Variants in NRXN1 observed in about 807,000 individuals in gnomAD.
NRXN1 encodes the protein neurexin 1.
Under a neutral mutation model 150.9 loss-of-function variants are expected in NRXN1, and 39 were observed. The observed-to-expected ratio is 0.26, with a 90% CI of 0.20 to 0.34. NRXN1 has a LOEUF of 0.34. NRXN1 is among the 10% of genes least tolerant of loss of function. The pLI is 1.00. For missense variants in NRXN1, 1,815 were observed against 1,949.9 expected, an observed-to-expected ratio of 0.93 and a Z score of 1.30; for synonymous variants, 924 against 757.0, an observed-to-expected ratio of 1.22 and a Z score of -3.62.
chr2:50,599,645 A>G (rs1675914972), intron 8 of NRXN1, among the ~76,000 whole-genome samples: 1 of 152,360 alleles, frequency 6.6e-6, no homozygotes. Context: ...ATAAGTCAAT[A>G]TCCCAGAAAC....
intron 8 of NRXN1, among the ~76,000 whole-genome samples, chr2:50,562,358 G>GATAT (rs1245607596): frequency 6.6e-6 from 1 of 151,840 alleles, no homozygotes; most frequent in African/African-American, 2.4e-5. Context: ...TAGATAGATA[G>GATAT]ATAGATGATT....
intron 12 of NRXN1, among the ~76,000 whole-genome samples, chr2:50,513,559 T>C (rs2092534040): frequency 6.6e-6 from 1 of 152,176 alleles, no homozygotes; most frequent in African/African-American, 2.4e-5. Flanking sequence ...ACATGCTTAA[T>C]CTTGCTGGGT....
intron 10 of NRXN1, among the ~76,000 whole-genome samples, chr2:50,531,939 G>C (rs2093127203): frequency 6.6e-6 from 1 of 152,040 alleles, no homozygotes; most frequent in Non-Finnish European, 1.5e-5. Flanking sequence ...ATGACCTCCT[G>C]AGCTCAAGCA....
intron 8 of NRXN1, among the ~76,000 whole-genome samples, chr2:50,598,893 G>A (rs559441162): frequency 6.6e-6 from 1 of 151,732 alleles, no homozygotes; most frequent in Non-Finnish European, 1.5e-5. Context: ...AAGTAGCTGG[G>A]ATTACAAGTG....
At chr2:51,031,531 C>G (rs906002363) in intron 1 of NRXN1, among the ~76,000 whole-genome samples, 3 of 152,036 alleles carry the variant, frequency 2.0e-5, no homozygotes, top group African/African-American at 7.2e-5. Flanking sequence ...TGCAAAGTCT[C>G]TCAATACCAA....
intron 5 of NRXN1, among the ~76,000 whole-genome samples, chr2:50,760,264 T>A (rs1701655444): frequency 1.3e-5 from 2 of 151,828 alleles, no homozygotes; most frequent in Admixed American, 1.3e-4. Flanking sequence ...AGTATAAGAG[T>A]CTACAGAACC....
At chr2:50,877,228 CACATACAT>C (rs1678736729) in intron 5 of NRXN1, among the ~76,000 whole-genome samples, 2 of 151,296 alleles carry the variant, frequency 1.3e-5, no homozygotes, top group Non-Finnish European at 3.0e-5. Flanking sequence ...CACACATACA[CACATACAT>C]ATCTACACAC....
chr2:50,733,598 A>G (rs988026231), intron 5 of NRXN1, among the ~76,000 whole-genome samples: 6 of 152,172 alleles, frequency 3.9e-5, no homozygotes, highest in African/African-American at 9.7e-5. Flanking sequence ...AAATACAACC[A>G]TAATTTATTA....
chr2:50,415,284 T>A (rs192121369), intron 17 of NRXN1, among the ~76,000 whole-genome samples: 1 of 152,334 alleles, frequency 6.6e-6, no homozygotes, highest in African/African-American at 2.4e-5. Flanking sequence ...TAATGCACTT[T>A]CCCTTTCACA....
chr2:49,997,211 A>G (rs564356311), intron 21 of NRXN1, among the ~76,000 whole-genome samples: 3 of 152,142 alleles, frequency 2.0e-5, no homozygotes, highest in South Asian at 4.1e-4. Flanking sequence ...ATAAGAGCGC[A>G]TATCTCTTGG....
At chr2:50,548,576 G>T (rs1032941668) in intron 9 of NRXN1, among the ~76,000 whole-genome samples, 12 of 151,762 alleles carry the variant, frequency 7.9e-5, no homozygotes, top group Non-Finnish European at 1.5e-4. Flanking sequence ...GTTTGGCACT[G>T]TACTACTTAC....
At chr2:50,733,951 T>G (rs1698415372) in intron 5 of NRXN1, among the ~76,000 whole-genome samples, 1 of 152,186 alleles carries the variant, frequency 6.6e-6, no homozygotes, top group South Asian at 2.1e-4. Context: ...AGTTCTGAGA[T>G]GTTTATGTTT....
intron 16 of NRXN1, among the ~76,000 whole-genome samples, chr2:50,471,410 T>C (rs1426449771): frequency 6.6e-6 from 1 of 151,874 alleles, no homozygotes; most frequent in Non-Finnish European, 1.5e-5. Context: ...TCCAGTTCCA[T>C]CCAAGTTGCT....
chr2:51,018,860 G>T (rs1457949245), intron 2 of NRXN1, among the ~76,000 whole-genome samples: 1 of 151,972 alleles, frequency 6.6e-6, no homozygotes, highest in African/African-American at 2.4e-5. Flanking sequence ...AATATTTTGG[G>T]GCTTTACTGC....
chr2:50,782,774 C>G (rs1704531993), intron 5 of NRXN1, among the ~76,000 whole-genome samples: 1 of 152,092 alleles, frequency 6.6e-6, no homozygotes, highest in Non-Finnish European at 1.5e-5. Context: ...GGTTCTAAAC[C>G]TAACAGTAGT....
chr2:50,508,993 A>G (rs2092350918), intron 12 of NRXN1, among the ~76,000 whole-genome samples: 1 of 152,186 alleles, frequency 6.6e-6, no homozygotes. Context: ...ATTTCCTACT[A>G]AAAAAGAAGT....
At chr2:50,139,324 CAAAAAAAAAA>C (rs35142652) in intron 18 of NRXN1, among the ~76,000 whole-genome samples, 2 of 77,402 alleles carry the variant, frequency 2.6e-5, no homozygotes, top group African/African-American at 9.3e-5. Flanking sequence ...GACTTGGTAT[CAAAAAAAAAA>C]AAAAAAAAAA....
chr2:50,975,874 T>C (rs1031895943), intron 2 of NRXN1, among the ~76,000 whole-genome samples: 32 of 152,082 alleles, frequency 2.1e-4, no homozygotes, highest in Non-Finnish European at 4.4e-5. Flanking sequence ...TATATCAATG[T>C]TAGGGGAAGA....
intron 17 of NRXN1, among the ~76,000 whole-genome samples, chr2:50,344,212 C>T (rs542152213): frequency 6.6e-6 from 1 of 152,258 alleles, no homozygotes; most frequent in African/African-American, 2.4e-5. Flanking sequence ...ACACCTCACC[C>T]CATTTCTCCA....
Sources: allele counts gnomAD v4.1 joint callset (sites outside exome capture counted in the v4.1 genomes callset), GRCh38; gene constraint gnomAD v4.1.1; transcripts MANE v1.5; gene names NCBI Gene and HGNC (gene_info 2026-07-23, HGNC 2026-07-21).